DGKB: variants seen among roughly 807,000 people sequenced by gnomAD.
DGKB encodes the protein diacylglycerol kinase beta.
A neutral mutation model predicts 114.3 loss-of-function variants in DGKB; 67 were observed. The ratio of observed to expected loss-of-function variants is 0.59; its 90% CI spans 0.48 to 0.72. DGKB has a LOEUF of 0.72. Ranked by LOEUF, DGKB falls within the 30% of genes least tolerant of loss-of-function variation. DGKB has a pLI of 0.00. For missense variants in DGKB, 907 were observed against 975.2 expected, an observed-to-expected ratio of 0.93 and a Z score of 0.93; for synonymous variants, 398 against 323.1, an observed-to-expected ratio of 1.23 and a Z score of -2.49.
intron 23 of DGKB, among the ~76,000 whole-genome samples, chr7:14,266,422 A>G (rs1562786128): frequency 6.6e-6 from 1 of 152,208 alleles, no homozygotes; most frequent in African/African-American, 2.4e-5. Context: ...GCCAAATAAA[A>G]TATATGTGGC....
intron 1 of DGKB, among the ~76,000 whole-genome samples, chr7:14,926,604 T>C (rs1784767530): frequency 6.6e-6 from 1 of 151,732 alleles, no homozygotes; most frequent in African/African-American, 2.4e-5. Context: ...TGTTTTTGGT[T>C]TGTTTTTACA....
intron 13 of DGKB, among the ~76,000 whole-genome samples, chr7:14,666,369 T>G (rs1366269323): frequency 1.3e-5 from 2 of 152,004 alleles, no homozygotes; most frequent in African/African-American, 4.8e-5. Context: ...TACATCTGTC[T>G]TGAGTTAGGG....
At chr7:14,853,632 G>A (rs911316138) in intron 1 of DGKB, among the ~76,000 whole-genome samples, 4 of 151,752 alleles carry the variant, frequency 2.6e-5, no homozygotes, top group African/African-American at 7.3e-5. Context: ...CGAGGTGGGC[G>A]GATGACGTGG....
At chr7:14,808,805 A>C (rs1384921276) in intron 2 of DGKB, among the ~76,000 whole-genome samples, 4 of 152,092 alleles carry the variant, frequency 2.6e-5, no homozygotes, top group Non-Finnish European at 5.9e-5. Context: ...CCAAGTCCTT[A>C]TCTTAGATCT....
intron 1 of DGKB, among the ~76,000 whole-genome samples, chr7:14,897,556 A>G (rs1039765190): frequency 1.3e-5 from 2 of 151,842 alleles, no homozygotes; most frequent in Non-Finnish European, 2.9e-5. Context: ...TTATTCTACT[A>G]TTTGGGTTTT....
intron 6 of DGKB, 53 bp from the exon 7 acceptor site, chr7:14,701,783 T>C (rs1192067517): frequency 4.2e-6 from 5 of 1,193,628 alleles, no homozygotes; most frequent in Admixed American, 3.4e-5. Flanking sequence ...AGATCAATGT[T>C]AGTTTAAAGT....
chr7:14,974,281 T>C (rs1383271229), intron 1 of DGKB, among the ~76,000 whole-genome samples: 1 of 152,088 alleles, frequency 6.6e-6, no homozygotes, highest in African/African-American at 2.4e-5. Context: ...GTTTATTTTC[T>C]ATAGGACACC....
chr7:14,424,959 T>C (rs142208029), intron 21 of DGKB, among the ~76,000 whole-genome samples: 253 of 152,262 alleles, frequency 1.7e-3, no homozygotes, highest in Non-Finnish European at 2.9e-3. Flanking sequence ...CTGGGCTTTA[T>C]TTTTGCTTAC....
At chr7:14,392,995 G>GTTTTGTTGTTTTTTTTTTTTT (rs1554404749) in intron 21 of DGKB, among the ~76,000 whole-genome samples, 3,864 of 60,372 alleles carry the variant, frequency 0.064, 575 homozygotes, top group African/African-American at 0.18. Flanking sequence ...TTTTGTTTTT[G>GTTTTGTTGTTTTTTTTTTTTT]TTTTTTTTTT....
chr7:14,162,794 G>GA (rs1234443069), intron 25 of DGKB, among the ~76,000 whole-genome samples: 2 of 151,952 alleles, frequency 1.3e-5, no homozygotes, highest in East Asian at 1.9e-4. Context: ...GCTATGACAA[G>GA]AAAAAAATCT....
chr7:14,729,269 C>A (rs1164109495), intron 5 of DGKB, among the ~76,000 whole-genome samples: 1 of 147,250 alleles, frequency 6.8e-6, no homozygotes, highest in Non-Finnish European at 1.5e-5. Context: ...ACTACAGGCG[C>A]CTGCCACCAC....
chr7:14,881,150 T>C (rs1221318376), intron 1 of DGKB, among the ~76,000 whole-genome samples: 1 of 152,180 alleles, frequency 6.6e-6, no homozygotes, highest in African/African-American at 2.4e-5. Context: ...CCAAATGTTT[T>C]AAAATTTTGC....
Position 14,541,738 on chromosome 7 carries a change from A to T in DGKB, c.1770+32474T>A, listed in dbSNP as rs190058903. Among the ~76,000 whole-genome samples, 283 of 152,216 alleles carry T rather than the reference A, an allele frequency of 1.9e-3. 1 individual carries two copies. Among genetic ancestry groups the T allele is most frequent in the Admixed American group, 6.2e-3 (94 of 15,284 alleles). On this transcript the variant is annotated intron_variant, in intron 20 of 25. Coordinates refer to ENST00000402815, the MANE Select transcript of DGKB (RefSeq NM_001350709.2). Reference sequence around the variant, plus strand: ...CACATCCACATCAATCTACTCCTTAATTTTTACTGCTGAAACCCTTTCTTC... The same window carrying T: ...CACATCCACATCAATCTACTCCTTATTTTTTACTGCTGAAACCCTTTCTTC...
intron 21 of DGKB, among the ~76,000 whole-genome samples, chr7:14,387,218 T>G (rs1488020995): frequency 6.6e-6 from 1 of 151,840 alleles, no homozygotes; most frequent in Non-Finnish European, 1.5e-5. Context: ...GGTCAGGAGA[T>G]CGAGACAAGC....
chr7:14,671,424 G>A (rs188278051), intron 13 of DGKB, among the ~76,000 whole-genome samples: 4 of 152,168 alleles, frequency 2.6e-5, no homozygotes, highest in African/African-American at 7.2e-5. Context: ...TTAAAACTGT[G>A]GGGATATTTA....
chr7:14,432,164 G>A (rs2128791989), intron 21 of DGKB, among the ~76,000 whole-genome samples: 1 of 152,158 alleles, frequency 6.6e-6, no homozygotes, highest in East Asian at 1.9e-4. Flanking sequence ...AACAATTATT[G>A]GTTTCTCACT....
At chr7:14,608,159 C>T (rs964814086) in intron 16 of DGKB, among the ~76,000 whole-genome samples, 3 of 151,924 alleles carry the variant, frequency 2.0e-5, no homozygotes, top group African/African-American at 7.2e-5. Flanking sequence ...TCTATGCATG[C>T]ACATATCTCA....
chr7:14,955,814 G>A (rs751388912), intron 1 of DGKB, among the ~76,000 whole-genome samples: 1 of 151,992 alleles, frequency 6.6e-6, no homozygotes, highest in African/African-American at 2.4e-5. Context: ...AAGTATATAG[G>A]TAATCACCAT....
intron 2 of DGKB, among the ~76,000 whole-genome samples, chr7:14,781,596 G>T (rs1429831314): frequency 6.6e-6 from 1 of 151,996 alleles, no homozygotes; most frequent in Non-Finnish European, 1.5e-5. Flanking sequence ...TGTCAATTAA[G>T]TCACATTTAC....
Sources: allele counts gnomAD v4.1 joint callset (sites outside exome capture counted in the v4.1 genomes callset), GRCh38; gene constraint gnomAD v4.1.1; transcripts MANE v1.5; gene names NCBI Gene and HGNC (gene_info 2026-07-23, HGNC 2026-07-21).